Variants in SLC39A9 observed in about 807,000 individuals in gnomAD.
SLC39A9 encodes solute carrier family 39 member 9, also known as zinc transporter ZIP9.
SLC39A9 carries 14 observed loss-of-function variants against 28.4 expected under a neutral mutation model. The ratio of observed to expected loss-of-function variants is 0.49; its 90% CI spans 0.33 to 0.77. The LOEUF (loss-of-function observed/expected upper bound fraction) is 0.77. SLC39A9 is among the 30% of genes least tolerant of loss of function. SLC39A9 has a pLI of 0.02. For missense variants in SLC39A9, 283 were observed against 381.1 expected, an observed-to-expected ratio of 0.74 and a Z score of 2.14; for synonymous variants, 119 against 149.6, an observed-to-expected ratio of 0.80 and a Z score of 1.49.
At chr14:69,434,034 C>A in intron 2 of SLC39A9, among the ~76,000 whole-genome samples, 1 of 151,848 alleles carries the variant, frequency 6.6e-6, no homozygotes, top group Non-Finnish European at 1.5e-5. Flanking sequence ...ATCCTCCCAC[C>A]TCGGCCTCCC....
chr14:69,422,255 G>T (rs1015110208), intron 1 of SLC39A9, among the ~76,000 whole-genome samples: 2 of 152,024 alleles, frequency 1.3e-5, no homozygotes, highest in African/African-American at 4.8e-5. Flanking sequence ...TTCCCTTGTG[G>T]TTTTGTTTAT....
intron 6 of SLC39A9, 22 bp from the exon 7 acceptor site, chr14:69,458,341 C>T (rs747046049): frequency 1.2e-5 from 19 of 1,609,512 alleles, no homozygotes; most frequent in Non-Finnish European, 1.6e-5. Context: ...AGTTTTTCCT[C>T]TTTCTCTCTT....
At chr14:69,454,714 C>G in intron 4 of SLC39A9, 98 bp from the exon 5 acceptor site, 1 of 886,030 alleles carries the variant, frequency 1.1e-6, no homozygotes, top group Non-Finnish European at 1.8e-6. Flanking sequence ...ATTACTAGAT[C>G]CAGCTGGACC....
At chr14:69,450,799 G>T (rs1885570251) in intron 3 of SLC39A9, among the ~76,000 whole-genome samples, 1 of 151,920 alleles carries the variant, frequency 6.6e-6, no homozygotes, top group Non-Finnish European at 1.5e-5. Context: ...AAATGTGTGG[G>T]CGCAGTAGTA....
intron 2 of SLC39A9, among the ~76,000 whole-genome samples, chr14:69,436,229 C>A (rs890236795): frequency 1.3e-5 from 2 of 151,950 alleles, no homozygotes; most frequent in African/African-American, 4.8e-5. Context: ...CATAGCAAGA[C>A]CCTGTCTCTA....
intron 2 of SLC39A9, among the ~76,000 whole-genome samples, chr14:69,433,177 T>A (rs1394042236): frequency 2.0e-5 from 3 of 152,052 alleles, no homozygotes; most frequent in African/African-American, 7.2e-5. Context: ...GTGCTGAGAG[T>A]GTTTATCTTG....
At chr14:69,407,331 T>TCTTCCTTCCTTCCTTC (rs1253067594) in intron 1 of SLC39A9, among the ~76,000 whole-genome samples, 1 of 134,180 alleles carries the variant, frequency 7.5e-6, no homozygotes, top group Non-Finnish European at 1.6e-5. Flanking sequence ...TTCCTTCCTT[T>TCTTCCTTCCTTCCTTC]CTTCCTTCCT....
chr14:69,451,388 C>A (rs1036694650), intron 3 of SLC39A9, among the ~76,000 whole-genome samples: 10 of 152,268 alleles, frequency 6.6e-5, no homozygotes, highest in Admixed American at 2.6e-4. Context: ...CATCTTTTAA[C>A]TTTATTTACT....
intron 3 of SLC39A9, among the ~76,000 whole-genome samples, chr14:69,452,865 A>C (rs1885679777): frequency 6.6e-6 from 1 of 152,222 alleles, no homozygotes; most frequent in Admixed American, 6.5e-5. Flanking sequence ...CAGAGGCCAT[A>C]GATCACTTTC....
In SLC39A9 at chr14:69,435,061, C is replaced by G. The variant is rs185647110; in HGVS notation, c.206-7008C>G. 2.2e-4 allele frequency among the ~76,000 whole-genome samples: 34 copies of G among 152,286 alleles called. No individual in the cohort carries two copies. In the Middle Eastern group the frequency reaches 0.014, roughly 61 times the overall value. On this transcript the variant is annotated intron_variant, in intron 2 of 6. Coordinates refer to ENST00000336643, the MANE Select transcript of SLC39A9 (RefSeq NM_018375.5). ...TGCACACTTGAAAAGAATGTACATT[C>G]TCTTGTTCTGTAAATTTCAAGTCAA...
At chr14:69,447,066 T>G (rs995177856) in intron 3 of SLC39A9, among the ~76,000 whole-genome samples, 3 of 151,898 alleles carry the variant, frequency 2.0e-5, no homozygotes, top group Non-Finnish European at 2.9e-5. Flanking sequence ...TTTGCAACCC[T>G]CCTTAAAGGT....
At chr14:69,442,294 G>C (rs1885087170) in intron 3 of SLC39A9, 28 bp downstream of exon 3, 1 of 1,597,048 alleles carries the variant, frequency 6.3e-7, no homozygotes, top group South Asian at 1.1e-5. Flanking sequence ...TTTCTGGGCA[G>C]TGCAATACAT....
chr14:69,445,707 T>C (rs528657936), intron 3 of SLC39A9, among the ~76,000 whole-genome samples: 32 of 152,184 alleles, frequency 2.1e-4, no homozygotes, highest in Non-Finnish European at 4.3e-4. Context: ...ATTTATTAAC[T>C]GCATGGGGTG....
intron 1 of SLC39A9, among the ~76,000 whole-genome samples, chr14:69,416,763 A>G (rs924310976): frequency 6.6e-6 from 1 of 152,210 alleles, no homozygotes; most frequent in African/African-American, 2.4e-5. Context: ...GGCTGCATAA[A>G]TGCCTTCTTT....
At position 69,399,068 on chromosome 14, in the gene SLC39A9, C is replaced by G. The variant is rs1048991838; in HGVS notation, c.-302C>G. On this transcript the variant is annotated 5_prime_UTR_variant, in exon 1 of 7. Transcript: ENST00000336643. ...AGAAATCGATCATTCGCACATTTTC[C>G]CCATTGACTTTTCCCATCTCTGTTA... is the stretch of plus-strand genomic sequence containing the variant. 3 of 325,004 alleles carry G rather than the reference C, an allele frequency of 9.2e-6. No individual in the cohort carries two copies. The highest frequency in any genetic ancestry group is 1.7e-5 in the Non-Finnish European group (3 of 177,928). 20.1% of individuals were successfully genotyped at this position (325,004 alleles called of 1,614,324 possible). A position where few individuals can be genotyped will look rare whatever the true frequency, so the allele number is the denominator to read the frequency against.
At chr14:69,447,081 T>C (rs1885362803) in intron 3 of SLC39A9, among the ~76,000 whole-genome samples, 1 of 152,082 alleles carries the variant, frequency 6.6e-6, no homozygotes, top group African/African-American at 2.4e-5. Flanking sequence ...AAAGGTTGGC[T>C]CAGGCACGCA....
intron 3 of SLC39A9, among the ~76,000 whole-genome samples, chr14:69,447,192 G>T (rs1885367952): frequency 6.6e-6 from 1 of 152,086 alleles, no homozygotes; most frequent in Non-Finnish European, 1.5e-5. Context: ...TACCTTGATC[G>T]GATAGTCAAA....
chr14:69,416,051 C>T (rs929722891), intron 1 of SLC39A9, among the ~76,000 whole-genome samples: 8 of 152,070 alleles, frequency 5.3e-5, no homozygotes, highest in Non-Finnish European at 8.8e-5. Flanking sequence ...GGTATTTCTC[C>T]TAATGCCATC....
intron 1 of SLC39A9, among the ~76,000 whole-genome samples, chr14:69,419,895 G>A (rs998209546): frequency 6.6e-6 from 1 of 152,134 alleles, no homozygotes; most frequent in Non-Finnish European, 1.5e-5. Context: ...GTGTGTCCCT[G>A]CATGAGAGAT....
Sources: allele counts gnomAD v4.1 joint callset (sites outside exome capture counted in the v4.1 genomes callset), GRCh38; gene constraint gnomAD v4.1.1; transcripts MANE v1.5; gene names NCBI Gene and HGNC (gene_info 2026-07-23, HGNC 2026-07-21).